EXOC7: variants seen among roughly 807,000 people sequenced by gnomAD.
EXOC7 encodes exocyst complex component Exo70.
EXOC7 carries 51 observed loss-of-function variants against 87.6 expected under a neutral mutation model. The observed-to-expected ratio is 0.58, with a 90% CI of 0.46 to 0.73. The LOEUF (loss-of-function observed/expected upper bound fraction) is 0.73. Ranked by LOEUF, EXOC7 falls within the 30% of genes least tolerant of loss-of-function variation. The pLI, the probability that EXOC7 is intolerant of heterozygous loss-of-function variation, is 0.00. For synonymous variants in EXOC7, 327 were observed against 357.1 expected (o/e 0.92, Z 0.95); for missense variants, 744 against 888.4 (o/e 0.84, Z 2.07).
rs148665598 is a variant in EXOC7 at position 76,081,562 on chromosome 17, G to A, written c.*2086C>T. 2.6e-4 allele frequency: 426 copies of A among 1,613,438 alleles called. No homozygotes were observed. Among genetic ancestry groups the A allele is most frequent in the Non-Finnish European group, 3.4e-4 (397 of 1,180,038 alleles). On this transcript the variant is annotated 3_prime_UTR_variant, in exon 19 of 19. Transcript: ENST00000589210. ...CCTTCCAGCTGAGGCTGAAGAACAC[G>A]GCGCTCAAGTCCATCATCGCTCTCT...
In EXOC7 at chr17:76,094,968, G is replaced by GT. The variant is rs34069210; in HGVS notation, c.641-388dup. 3.2e-4 allele frequency among the ~76,000 whole-genome samples: 47 copies of GT among 147,596 alleles called. 1 individual carries two copies. The highest frequency in any genetic ancestry group is 2.5e-3 in the South Asian group (12 of 4,744). On this transcript the variant is annotated intron_variant, in intron 5 of 18. Coordinates refer to ENST00000589210, the MANE Select transcript of EXOC7 (RefSeq NM_001013839.4). ...TAGAACTGATAATTAGTTGTAAGTTGTTTTTTTTTTGAGACAAGGTCTTAC... is the reference window on the plus strand; with the variant it reads ...TAGAACTGATAATTAGTTGTAAGTTGTTTTTTTTTTTGAGACAAGGTCTTAC...
At chr17:76,101,572 C>G in intron 3 of EXOC7, 107 bp downstream of exon 3, 1 of 1,422,450 alleles carries the variant, frequency 7.0e-7, no homozygotes, top group Non-Finnish European at 9.6e-7. Context: ...CTCCTAGTCT[C>G]AAGCGATCCT....
chr17:76,087,798 C>A, intron 11 of EXOC7, 78 bp from the exon 12 acceptor site: 2 of 1,459,738 alleles, frequency 1.4e-6, no homozygotes, highest in Admixed American at 2.0e-5. Flanking sequence ...CCTCTGAGTG[C>A]CCAGGGCCAG....
At chr17:76,088,604 T>A in intron 9 of EXOC7, 42 bp from the exon 10 acceptor site, 2 of 1,599,964 alleles carry the variant, frequency 1.3e-6, no homozygotes, top group Non-Finnish European at 1.7e-6. Flanking sequence ...CTCCAGTCGC[T>A]CTGTGAGCAT....
Position 76,087,663 on chromosome 17 carries a change from C to T in EXOC7, c.1420G>A (p.Ala474Thr), listed in dbSNP as rs567541226. The T allele has an allele frequency of 6.4e-7, 1 of 1,551,196 alleles. No individual in the cohort carries two copies. Among genetic ancestry groups the T allele is most frequent in the African/African-American group, 1.4e-5 (1 of 73,164 alleles). ...TGGGAGGTACCAGTACCTTGGGAGG[C>T]CAGCATGGCGCCTGCCGTCTCCTGG... ...DFQETAGAML[A>T]SQETSSSATS... Residue 474 changes from alanine (A) to threonine (T), a missense_variant, in exon 12 of 19, where the codon GCC becomes ACC. Physicochemically the swap from Ala to Thr is moderately conservative, Grantham distance 58. Coordinates refer to ENST00000589210, the MANE Select transcript of EXOC7 (RefSeq NM_001013839.4).
chr17:76,093,211 G>C (rs1379032280), intron 6 of EXOC7: 1 of 152,510 alleles, frequency 6.6e-6, no homozygotes, highest in Non-Finnish European at 1.5e-5. Context: ...CACACAGAAG[G>C]CACAGAGCTG....
chr17:76,103,592 T>C, intron 1 of EXOC7, 41 bp downstream of exon 1: 1 of 1,610,372 alleles, frequency 6.2e-7, no homozygotes, highest in Non-Finnish European at 8.5e-7. Context: ...GTTGGCCCCT[T>C]TCCCTCACCT....
Position 76,094,431 on chromosome 17 carries a change from T to G in EXOC7, c.791A>C (p.Lys264Thr). The change falls in exon 6 of 19, where the codon AAG becomes ACG. Residue 264 changes from lysine to threonine, a missense_variant. This residue lies in a region of EXOC7 where 512 missense variants were observed against 573.0 expected (regional missense o/e 0.89). Transcript: ENST00000589210. ...PNKRKDTPTK[K>T]PVKRPGTIRK... ...GGGCTCACCTGGCCGCTTGACTGGC[T>G]TCTTGGTAGGTGTGTCTTTCCTCTT... 6.2e-7 allele frequency: 1 copy of G among 1,613,578 alleles called. No individual in the cohort carries two copies. The highest frequency in any genetic ancestry group is 8.5e-7 in the Non-Finnish European group (1 of 1,179,738).
rs142975675 is a variant in EXOC7 at position 76,089,292 on chromosome 17, G to A, written c.930C>T (p.Thr310=). 1,226 of 1,614,068 alleles carry A rather than the reference G, an allele frequency of 7.6e-4. 3 individuals are homozygous for A. Among genetic ancestry groups the A allele is most frequent in the East Asian group, 4.6e-3 (208 of 44,884 alleles). The part of the protein sequence containing the change: ...EGRDDMLDVE[T]DAYIHCVSAF... ...CACTGACGCAGTGGATGTAGGCATCGGTCTCCACGTCCAGCATGTCATCTC... is the reference window on the plus strand; with the variant it reads ...CACTGACGCAGTGGATGTAGGCATCAGTCTCCACGTCCAGCATGTCATCTC... Residue 310 remains threonine, a synonymous_variant, in exon 8 of 19, where the codon ACC becomes ACT. Transcript: ENST00000589210.
At chr17:76,100,715 G>A (rs1179122531) in intron 4 of EXOC7, among the ~76,000 whole-genome samples, 1 of 152,138 alleles carries the variant, frequency 6.6e-6, no homozygotes, top group Non-Finnish European at 1.5e-5. Flanking sequence ...AAACGTGGCT[G>A]GGTGCAATGG....
At chr17:76,087,406 GA>G (rs1485478092) in intron 12 of EXOC7, 2 of 562,078 alleles carry the variant, frequency 3.6e-6, no homozygotes, top group Non-Finnish European at 6.3e-6. Flanking sequence ...CTCCCAGAGT[GA>G]GGACACTGCT....
Position 76,083,528 on chromosome 17 carries a change from T to G in EXOC7, c.*120A>C, listed in dbSNP as rs2067070874. ...CTCAGGGACACAGCTCCCGGAGGCG[T>G]GGAGACAGGTCTCTGTCCCAGAGGA... On this transcript the variant is annotated 3_prime_UTR_variant, in exon 19 of 19. Coordinates refer to ENST00000589210, the MANE Select transcript of EXOC7 (RefSeq NM_001013839.4). 2 of 942,240 alleles carry G rather than the reference T, an allele frequency of 2.1e-6. No homozygotes were observed. Among genetic ancestry groups the G allele is most frequent in the African/African-American group, 3.2e-5 (2 of 62,216 alleles). The allele number at this position is 942,240 out of a possible 1,614,324, so 58.4% of individuals were successfully genotyped here.
chr17:76,087,253 GA>G (rs2067252614), intron 12 of EXOC7: 1 of 371,804 alleles, frequency 2.7e-6, no homozygotes, highest in African/African-American at 2.1e-5. Flanking sequence ...GGGCCAGCAG[GA>G]AGACGCCCAG....
Position 76,082,073 on chromosome 17 carries a change from G to A in EXOC7, c.*1575C>T. 6.3e-7 allele frequency: 1 copy of A among 1,580,106 alleles called. No individual in the cohort carries two copies. The highest frequency in any genetic ancestry group is 8.6e-7 in the Non-Finnish European group (1 of 1,164,858). ...AGGTGGGCAGGGGCTGGGGGGTAAG[G>A]AATGAGGCCTAGGTGCACACCTAGG... On this transcript the variant is annotated 3_prime_UTR_variant, in exon 19 of 19. Coordinates refer to ENST00000589210, the MANE Select transcript of EXOC7 (RefSeq NM_001013839.4).
rs1453644753 is a variant in EXOC7 at position 76,094,394 on chromosome 17, G to A, written c.808+20C>T. Reference sequence around the variant, plus strand: ...GTCAGCCTCTGGCTGTTGCAGAGATGGGCCAGGATGGGGGCTCACCTGGCC... The same window carrying A: ...GTCAGCCTCTGGCTGTTGCAGAGATAGGCCAGGATGGGGGCTCACCTGGCC... On this transcript the variant is annotated intron_variant, in intron 6 of 18. Transcript: ENST00000589210. The A allele has an allele frequency of 3.1e-6, 5 of 1,604,796 alleles. No individual in the cohort carries two copies. Among genetic ancestry groups the A allele is most frequent in the Non-Finnish European group, 3.4e-6 (4 of 1,175,764 alleles).
rs762680437 is a variant in EXOC7, at chr17:76,089,155, C to T, written c.1047+20G>A. On this transcript the variant is annotated intron_variant, in intron 8 of 18. Transcript: ENST00000589210. ...GCTCTTGCTGGGGCTGGCTGCAGAG[C>T]CCCCGGGGCGGGGCGGGACCTGTAT... 1.2e-6 allele frequency: 2 copies of T among 1,611,134 alleles called. No homozygotes were observed. The highest frequency in any genetic ancestry group is 4.5e-5 in the East Asian group (2 of 44,868).
Position 76,103,369 on chromosome 17 carries a change from T to C in EXOC7, c.118A>G (p.Lys40Glu), listed in dbSNP as rs1430311771. ...GCTGCGGGGAGACTCACCATGTTCT[T>C]AGTGAGCTGGTCGCTCTTCTCCAGG... Reference protein sequence around the residue: ...DSLEKSDQLTKNMVSILSSFE... With the variant: ...DSLEKSDQLTENMVSILSSFE... The change falls in exon 2 of 19, where the codon AAG becomes GAG. Residue 40 changes from lysine to glutamate, a missense_variant. Coordinates refer to ENST00000589210, the MANE Select transcript of EXOC7 (RefSeq NM_001013839.4). 51 of 1,601,810 alleles carry C rather than the reference T, an allele frequency of 3.2e-5. No individual in the cohort carries two copies. Among genetic ancestry groups the C allele is most frequent in the Non-Finnish European group, 4.3e-5 (51 of 1,174,166 alleles).
intron 16 of EXOC7, 95 bp from the exon 17 acceptor site, chr17:76,084,384 C>T: frequency 6.3e-7 from 1 of 1,586,642 alleles, no homozygotes; most frequent in South Asian, 1.1e-5. Flanking sequence ...GGGCCTGTCT[C>T]CTGTGTCCTG....
intron 12 of EXOC7, chr17:76,086,857 G>A (rs1289608266): frequency 8.4e-6 from 13 of 1,551,118 alleles, no homozygotes; most frequent in African/African-American, 2.7e-5. Context: ...TGCTTACCTC[G>A]GGGGTCTAAA....
Sources: gnomAD v4.1 joint callset for allele counts (sites outside exome capture counted in the v4.1 genomes callset) on GRCh38, gnomAD v4.1.1 for gene constraint, gnomAD v4.1.1 regional missense constraint, MANE v1.5 for transcripts, NCBI Gene and HGNC (gene_info 2026-07-23, HGNC 2026-07-21) for gene names.